Variants in USP34 observed in about 807,000 individuals in gnomAD.
USP34 encodes the protein ubiquitin carboxyl-terminal hydrolase 34.
A neutral mutation model predicts 460.3 loss-of-function variants in USP34; 70 were observed. That is an observed-to-expected ratio of 0.15 (90% CI 0.13 to 0.19). The LOEUF is 0.19. Among genes scored for constraint, USP34 ranks in the 10% least tolerant of loss-of-function variants. The pLI, the probability that USP34 is intolerant of heterozygous loss-of-function variation, is 1.00. For missense variants in USP34, 3,985 were observed against 4,236.2 expected (o/e 0.94, Z 1.65); for synonymous variants, 1,647 against 1,405.3 (o/e 1.17, Z -3.85).
At chr2:61,219,718 T>G (rs1687503630) in intron 67 of USP34, among the ~76,000 whole-genome samples, 1 of 152,130 alleles carries the variant, frequency 6.6e-6, no homozygotes, top group African/African-American at 2.4e-5. Context: ...ACATGTTTAT[T>G]GCTACTTAAG....
chr2:61,345,195 A>G (rs1396844844), intron 15 of USP34, among the ~76,000 whole-genome samples: 2 of 151,906 alleles, frequency 1.3e-5, no homozygotes, highest in Non-Finnish European at 2.9e-5. Context: ...AACCACTTGA[A>G]CCCAAAAGGT....
At chr2:61,453,031 A>T (rs188744360) in intron 1 of USP34, among the ~76,000 whole-genome samples, 71 of 152,090 alleles carry the variant, frequency 4.7e-4, no homozygotes, top group East Asian at 5.8e-4. Context: ...AATATTTTTA[A>T]AAAAAAAGGC....
intron 60 of USP34, 37 bp downstream of exon 60, chr2:61,228,790 G>T (rs369577296): frequency 1.1e-5 from 17 of 1,586,660 alleles, no homozygotes; most frequent in Non-Finnish European, 1.5e-5. Flanking sequence ...CTGAAAAAAG[G>T]TAGATAATCA....
At chr2:61,246,821 A>C (rs543669143) in intron 49 of USP34, among the ~76,000 whole-genome samples, 3 of 152,172 alleles carry the variant, frequency 2.0e-5, no homozygotes, top group African/African-American at 7.2e-5. Context: ...AAGTATAAAT[A>C]TAAAATATTT....
intron 67 of USP34, among the ~76,000 whole-genome samples, chr2:61,215,321 A>G (rs1687366064): frequency 6.6e-6 from 1 of 152,234 alleles, no homozygotes. Context: ...GTAACCAGAT[A>G]ATATATATTT....
Position 61,367,783 on chromosome 2 carries a change from C to CAAAAGAA in USP34, c.1251+2531_1251+2537dup, listed in dbSNP as rs1179530558. ...AATAACTTTGAGACTGTGAATAATG[C>CAAAAGAA]AAAAGAAAAAAGAAAAAGAGTATCA... On this transcript the variant is annotated intron_variant, in intron 10 of 79. Transcript: ENST00000398571. Among the ~76,000 whole-genome samples the CAAAAGAA allele has an allele frequency of 2.0e-5, 3 of 151,282 alleles. No homozygotes were observed. The South Asian group carries it at 6.3e-4, about 32-fold the overall frequency.
rs1213558114 is a variant in USP34 at position 61,239,300 on chromosome 2, T to TCTCTCACA, written c.6777+2259_6777+2260insTGTGAGAG. 2.9e-4 allele frequency among the ~76,000 whole-genome samples: 38 copies of TCTCTCACA among 132,854 alleles called. 1 individual carries two copies. Among genetic ancestry groups the TCTCTCACA allele is most frequent in the African/African-American group, 9.2e-4 (32 of 34,882 alleles). 87.2% of individuals were successfully genotyped at this position (132,854 alleles called of 152,430 possible). A position where few individuals can be genotyped will look rare whatever the true frequency, so the allele number is the denominator to read the frequency against. On this transcript the variant is annotated intron_variant, in intron 53 of 79. Coordinates refer to ENST00000398571, the MANE Select transcript of USP34 (RefSeq NM_014709.4). ...TTCCTCACTTTAAATGAGGGCCCTG[T>TCTCTCACA]CACACACACACACACACACACACAC... is the stretch of plus-strand genomic sequence containing the variant.
At chr2:61,267,142 A>G (rs371504233) in intron 41 of USP34, among the ~76,000 whole-genome samples, 2 of 152,178 alleles carry the variant, frequency 1.3e-5, no homozygotes, top group East Asian at 3.9e-4. Flanking sequence ...TTAAGTTGCA[A>G]CTGGCTTCCT....
At chr2:61,401,472 A>C (rs113820449) in intron 3 of USP34, among the ~76,000 whole-genome samples, 80 of 150,704 alleles carry the variant, frequency 5.3e-4, no homozygotes, top group Non-Finnish European at 9.4e-4. Context: ...TCCTGGCCTC[A>C]AGTGGTCCTC....
rs764494051 is a variant in USP34, at chr2:61,331,272, T to C, written c.2930+4A>G. 1.9e-6 allele frequency: 3 copies of C among 1,609,226 alleles called. 1 individual carries two copies. The South Asian group carries it at 3.3e-5, about 18-fold the overall frequency. On this transcript the variant is annotated splice_donor_region_variant and intron_variant, in intron 20 of 79. Transcript: ENST00000398571. ...TGTATTTAACCCAGTTGAGAGGTAC[T>C]TACAGTGCATGTTTTTGTCTTCCTT...
In USP34 at chr2:61,406,062, A is replaced by G. The variant is rs1288208280; in HGVS notation, c.198T>C (p.Leu66=). 13 of 1,613,880 alleles carry G rather than the reference A, an allele frequency of 8.1e-6. No homozygotes were observed. Among genetic ancestry groups the G allele is most frequent in the Non-Finnish European group, 1.1e-5 (13 of 1,179,938 alleles). The change falls in exon 3 of 80, where the codon CTT becomes CTC. Residue 66 remains leucine, a synonymous_variant. Transcript: ENST00000398571. ...LEIFNQVVCA[L]INLVIAQVQV... ...GAACTTGGGCAATCACTAAGTTAAT[A>G]AGTGCACACACTACTTGATTAAAAA...
At chr2:61,319,845 A>G (rs1276897249) in intron 21 of USP34, among the ~76,000 whole-genome samples, 1 of 152,210 alleles carries the variant, frequency 6.6e-6, no homozygotes, top group Non-Finnish European at 1.5e-5. Flanking sequence ...TTCCATCTCA[A>G]AAAAACCAAA....
chr2:61,365,474 CA>C (rs1692408437), intron 10 of USP34, among the ~76,000 whole-genome samples: 1 of 152,052 alleles, frequency 6.6e-6, no homozygotes, highest in Non-Finnish European at 1.5e-5. Context: ...GGAGAACATT[CA>C]CTCAAACTCT....
intron 3 of USP34, among the ~76,000 whole-genome samples, chr2:61,403,730 G>T (rs956266058): frequency 6.6e-6 from 1 of 152,092 alleles, no homozygotes; most frequent in African/African-American, 2.4e-5. Flanking sequence ...GCTCACGCCT[G>T]TAATCCCAGC....
intron 35 of USP34, 72 bp from the exon 36 acceptor site, chr2:61,283,521 T>A: frequency 1.3e-6 from 2 of 1,511,378 alleles, no homozygotes; most frequent in Admixed American, 4.0e-5. Flanking sequence ...TTTATTAACA[T>A]ATATCCTTTA....
intron 48 of USP34, among the ~76,000 whole-genome samples, chr2:61,252,573 T>C (rs560239240): frequency 2.0e-5 from 3 of 152,310 alleles, no homozygotes; most frequent in South Asian, 4.1e-4. Context: ...GAGAATTTAT[T>C]TAAACCAAGA....
chr2:61,405,232 C>CAAAAAAAAAAAAAAAAA (rs199659618), intron 3 of USP34, among the ~76,000 whole-genome samples: 8 of 78,056 alleles, frequency 1.0e-4, no homozygotes, highest in Non-Finnish European at 1.8e-4. Flanking sequence ...GACTCCATCT[C>CAAAAAAAAAAAAAAAAA]AAAAAAAAAA....
chr2:61,286,372 T>C (rs1249544877), intron 34 of USP34, among the ~76,000 whole-genome samples: 1 of 151,968 alleles, frequency 6.6e-6, no homozygotes, highest in Non-Finnish European at 1.5e-5. Context: ...AAAAATAACA[T>C]TGGCCCAGAG....
intron 43 of USP34, among the ~76,000 whole-genome samples, chr2:61,262,312 G>A (rs945119418): frequency 6.6e-6 from 1 of 151,754 alleles, no homozygotes; most frequent in African/African-American, 2.4e-5. Context: ...GTACCAATAG[G>A]TAGTTTTTCA....
Sources: allele counts gnomAD v4.1 joint callset (sites outside exome capture counted in the v4.1 genomes callset), GRCh38; gene constraint gnomAD v4.1.1; transcripts MANE v1.5; gene names NCBI Gene and HGNC (gene_info 2026-07-23, HGNC 2026-07-21).